GML: variants seen among roughly 807,000 people sequenced by gnomAD.
The protein encoded by GML is glycosylphosphatidylinositol anchored molecule like.
In GML, 5 loss-of-function variants were observed where a neutral mutation model predicts 8.2. The ratio of observed to expected loss-of-function variants is 0.61; its 90% CI spans 0.32 to 1.28. The LOEUF is 1.28. GML is among the 50% of genes most tolerant of loss of function. The probability of loss-of-function intolerance (pLI) is 0.06; values close to 1 mark genes in which losing one functional copy is unlikely to be tolerated. For missense variants in GML, 191 were observed against 198.3 expected, an observed-to-expected ratio of 0.96 and a Z score of 0.22; for synonymous variants, 72 against 69.0, an observed-to-expected ratio of 1.04 and a Z score of -0.22.
At chr8:142,837,172 T>C (rs1446307842) in intron 1 of GML, among the ~76,000 whole-genome samples, 4 of 152,016 alleles carry the variant, frequency 2.6e-5, no homozygotes, top group Admixed American at 2.6e-4. Context: ...CGTGCGCCCA[T>C]AGTCCCAGCT....
At chr8:142,845,386 A>T (rs563205220) in intron 3 of GML, among the ~76,000 whole-genome samples, 7 of 152,192 alleles carry the variant, frequency 4.6e-5, no homozygotes, top group African/African-American at 1.4e-4. Context: ...GTGACAATCC[A>T]TTGAGTTGTG....
At chr8:142,839,004 G>C (rs990736816) in intron 1 of GML, among the ~76,000 whole-genome samples, 1 of 152,196 alleles carries the variant, frequency 6.6e-6, no homozygotes, top group African/African-American at 2.4e-5. Context: ...ACAGTAGAAG[G>C]GTGTTCAGAA....
chr8:142,846,104 G>T (rs377460333), intron 3 of GML, among the ~76,000 whole-genome samples: 1 of 152,186 alleles, frequency 6.6e-6, no homozygotes, highest in African/African-American at 2.4e-5. Context: ...ATTTCATTGC[G>T]TGTAGCTACA....
At chr8:142,846,219 C>T (rs1187491679) in intron 3 of GML, among the ~76,000 whole-genome samples, 176 bp from the exon 4 acceptor site, 1 of 152,176 alleles carries the variant, frequency 6.6e-6, no homozygotes. Context: ...TGATGAGACC[C>T]GCTAGTGGAC....
intron 3 of GML, among the ~76,000 whole-genome samples, chr8:142,843,010 C>T (rs1442357503): frequency 6.6e-6 from 1 of 152,148 alleles, no homozygotes; most frequent in East Asian, 1.9e-4. Context: ...GCTCCATTTT[C>T]CTGAATGAAC....
At chr8:142,843,411 A>G (rs1816465069) in intron 3 of GML, among the ~76,000 whole-genome samples, 1 of 152,176 alleles carries the variant, frequency 6.6e-6, no homozygotes, top group African/African-American at 2.4e-5. Context: ...AGATGATTGT[A>G]GATGCTGAAA....
intron 1 of GML, among the ~76,000 whole-genome samples, chr8:142,836,850 C>G (rs116980673): frequency 1.3e-5 from 2 of 150,508 alleles, no homozygotes; most frequent in Non-Finnish European, 3.0e-5. Context: ...GGTGCCCTTC[C>G]CCTTCTCCTA....
intron 1 of GML, among the ~76,000 whole-genome samples, chr8:142,838,845 G>A (rs563533509): frequency 6.6e-6 from 1 of 152,270 alleles, no homozygotes; most frequent in South Asian, 2.1e-4. Context: ...TGTGCCCGAG[G>A]AAATCATACA....
In GML at chr8:142,841,108, C is replaced by T. The variant is rs532011740; in HGVS notation, c.74-10C>T. The T allele has an allele frequency of 6.7e-6, 9 of 1,336,492 alleles. No individual in the cohort carries two copies. The highest frequency in any genetic ancestry group is 1.7e-5 in the Admixed American group (1 of 59,692). 82.8% of individuals were successfully genotyped at this position (1,336,492 alleles called of 1,614,324 possible). A position where few individuals can be genotyped will look rare whatever the true frequency, so the allele number is the denominator to read the frequency against. The stretch of plus-strand genomic sequence containing the variant: ...AGCAGAAGCCTGAAGCCTGCTTTCT[C>T]CCCTCTCAGGGACTTACAGTTTGAG... On this transcript the variant is annotated splice_polypyrimidine_tract_variant and intron_variant, in intron 2 of 3. Transcript: ENST00000220940.
chr8:142,841,328 T>C, intron 3 of GML, 103 bp downstream of exon 3: 1 of 710,206 alleles, frequency 1.4e-6, no homozygotes, highest in Non-Finnish European at 2.6e-6. Flanking sequence ...CCCAGCTCTG[T>C]TTCCCCTTCC....
At position 142,846,518 on chromosome 8, in the gene GML, TTTG is replaced by T; in HGVS notation, c.313_315del (p.Cys105del). The T allele has an allele frequency of 6.2e-7, 1 of 1,613,790 alleles. No homozygotes were observed. Among genetic ancestry groups the T allele is most frequent in the Non-Finnish European group, 8.5e-7 (1 of 1,179,788 alleles). ...TTCAAAACTAATAGCTTCTACTGGG[TTTG>T]TTGTTGTAATAGCATGGTTTGCAAT... is the stretch of plus-strand genomic sequence containing the variant. On this transcript the variant is annotated inframe_deletion, in exon 4 of 4. Transcript: ENST00000220940.
rs28642293 is a variant in GML at position 142,846,384 on chromosome 8, T to G, written c.182-11T>G. 12,012 of 1,563,052 alleles carry G rather than the reference T, an allele frequency of 7.7e-3. 778 individuals are homozygous for G. The African/African-American group carries it at 0.14, about 19-fold the overall frequency. The stretch of plus-strand genomic sequence containing the variant: ...GAAATCAATTATTTTCATTGCTGCT[T>G]CTTTTTTTAGGCATAAATTCTCGTG... On this transcript the variant is annotated splice_polypyrimidine_tract_variant and intron_variant, in intron 3 of 3. Transcript: ENST00000220940.
At chr8:142,837,242 C>G (rs554191197) in intron 1 of GML, among the ~76,000 whole-genome samples, 1 of 152,004 alleles carries the variant, frequency 6.6e-6, no homozygotes, top group African/African-American at 2.4e-5. Flanking sequence ...TGTAGTGAGC[C>G]GAGATCACGC....
intron 3 of GML, among the ~76,000 whole-genome samples, chr8:142,841,622 G>T (rs893921008): frequency 6.6e-6 from 1 of 152,152 alleles, no homozygotes; most frequent in Non-Finnish European, 1.5e-5. Context: ...AGCAGTGGAT[G>T]GGCCATGGAC....
In GML at chr8:142,840,761, C is replaced by T. The variant is rs10104860; in HGVS notation, c.73+251C>T. ...GTGGCCCTTCTCCATCAGCGCCAGG[C>T]AGGAGGGGCTCTGTCCAGGGAAACC... On this transcript the variant is annotated intron_variant, in intron 2 of 3. Transcript: ENST00000220940. Among the ~76,000 whole-genome samples the T allele has an allele frequency of 4.0e-3, 608 of 152,252 alleles. 3 individuals carry two copies. Among genetic ancestry groups the T allele is most frequent in the African/African-American group, 0.014 (581 of 41,548 alleles).
Position 142,840,292 on chromosome 8 carries a change from C to A in GML, c.-22-124C>A, listed in dbSNP as rs1045297926. 8 of 642,370 alleles carry A rather than the reference C, an allele frequency of 1.2e-5. No homozygotes were observed. The African/African-American group carries it at 1.4e-4, about 12-fold the overall frequency. 39.8% of individuals were successfully genotyped at this position (642,370 alleles called of 1,614,324 possible). On this transcript the variant is annotated intron_variant, in intron 1 of 3. Coordinates refer to ENST00000220940, the MANE Select transcript of GML (RefSeq NM_002066.3). ...TGCCTTACCCGAGGAGCTACTGGCC[C>A]AGTGGGGGAGGCATTCAGGTGGGCA... is the stretch of plus-strand genomic sequence containing the variant.
rs1816431069 is a variant in GML at position 142,841,278 on chromosome 8, T to A, written c.181+53T>A. On this transcript the variant is annotated intron_variant, in intron 3 of 3. Transcript: ENST00000220940. ...ATTGTAGATTAGTCCCCTACCTGGG[T>A]AGTTTCTGGGGCCAGGGCCAGTCTG... 6 of 935,164 alleles carry A rather than the reference T, an allele frequency of 6.4e-6. No individual in the cohort carries two copies. The Admixed American group carries it at 1.0e-4, about 16-fold the overall frequency. 57.9% of individuals were successfully genotyped at this position (935,164 alleles called of 1,614,324 possible). A position where few individuals can be genotyped will look rare whatever the true frequency, so the allele number is the denominator to read the frequency against.
chr8:142,836,333 G>C (rs2130211366), intron 1 of GML, among the ~76,000 whole-genome samples: 1 of 152,290 alleles, frequency 6.6e-6, no homozygotes, highest in Non-Finnish European at 1.5e-5. Context: ...ACTGGTTTGT[G>C]TGTAAAAACT....
intron 3 of GML, among the ~76,000 whole-genome samples, chr8:142,844,411 C>G (rs994031783): frequency 6.6e-6 from 1 of 152,050 alleles, no homozygotes; most frequent in Non-Finnish European, 1.5e-5. Flanking sequence ...TTTAAAAAAT[C>G]GAACAAAATA....
Sources: gnomAD v4.1 joint callset for allele counts (sites outside exome capture counted in the v4.1 genomes callset) on GRCh38, gnomAD v4.1.1 for gene constraint, MANE v1.5 for transcripts, NCBI Gene and HGNC (gene_info 2026-07-23, HGNC 2026-07-21) for gene names.